Variants in SUN1 observed in about 807,000 individuals in gnomAD.
SUN1 encodes SUN domain-containing protein 1.
In SUN1, 61 loss-of-function variants were observed where a neutral mutation model predicts 103.2. That is an observed-to-expected ratio of 0.59 (90% CI 0.48 to 0.73). The LOEUF is 0.73. SUN1 is among the 30% of genes least tolerant of loss of function. The pLI is 0.00. For missense variants in SUN1, 1,052 were observed against 1,034.6 expected, an observed-to-expected ratio of 1.02 and a Z score of -0.23; for synonymous variants, 490 against 425.7, an observed-to-expected ratio of 1.15 and a Z score of -1.86.
chr7:868,158 T>C (rs1447470381), intron 16 of SUN1, among the ~76,000 whole-genome samples: 6 of 152,200 alleles, frequency 3.9e-5, no homozygotes. Context: ...ACGAATGAAA[T>C]GCGTGTGTCG....
chr7:845,371 G>A (rs973577724), intron 5 of SUN1, among the ~76,000 whole-genome samples: 2 of 152,176 alleles, frequency 1.3e-5, no homozygotes, highest in South Asian at 2.1e-4. Flanking sequence ...CATCCTTCCC[G>A]CGGGGTTTCT....
chr7:827,194 G>T (rs1021111883), intron 1 of SUN1, among the ~76,000 whole-genome samples: 1 of 150,936 alleles, frequency 6.6e-6, no homozygotes, highest in Non-Finnish European at 1.5e-5. Flanking sequence ...GCTAAGTTTT[G>T]TAGTTTTGCT....
chr7:832,530 T>G lies in SUN1; in HGVS notation c.6T>G (p.Asp2Glu). The G allele has an allele frequency of 6.2e-7, 1 of 1,613,294 alleles. No individual in the cohort carries two copies. Among genetic ancestry groups the G allele is most frequent in the Non-Finnish European group, 8.5e-7 (1 of 1,179,616 alleles). M[D>E]FSRLHMYSPP... ...TATGGTTTGAAGTGGTGAACATGGA[T>G]TTTTCTCGGCTTCACATGTACAGTC... Residue 2 changes from aspartate to glutamate, a missense_variant, in exon 1 of 19, where the codon GAT becomes GAG. Asp to Glu is a conservative substitution (Grantham distance 45). Around this residue, in one of 2 missense-constraint regions of SUN1, gnomAD observed 846 missense variants for 774.5 expected, o/e 1.09. Coordinates refer to ENST00000401592, the MANE Select transcript of SUN1 (RefSeq NM_001130965.3).
At chr7:850,335 A>G (rs1363195998) in intron 5 of SUN1, 1 of 360,296 alleles carries the variant, frequency 2.8e-6, no homozygotes, top group African/African-American at 2.1e-5. Context: ...AGTAGCTGGG[A>G]CTACAGGCGC....
chr7:817,218 C>T (rs1781485480), intron 1 of SUN1: 1 of 584,266 alleles, frequency 1.7e-6, no homozygotes, highest in South Asian at 2.0e-5. Flanking sequence ...CCTCCGCCTC[C>T]CGAAGCGCTC....
At chr7:849,583 G>T in intron 5 of SUN1, 1 of 1,438,570 alleles carries the variant, frequency 7.0e-7, no homozygotes, top group Non-Finnish European at 9.4e-7. Context: ...GGCCACCTCA[G>T]TGTAAATGGG....
intron 1 of SUN1, among the ~76,000 whole-genome samples, chr7:826,681 G>A (rs565232855): frequency 3.3e-5 from 5 of 152,326 alleles, no homozygotes; most frequent in East Asian, 3.9e-4. Context: ...TGCGGGATCC[G>A]TGTGGGCAGG....
chr7:860,820 G>C (rs890531613), intron 14 of SUN1, among the ~76,000 whole-genome samples: 1 of 152,310 alleles, frequency 6.6e-6, no homozygotes, highest in African/African-American at 2.4e-5. Flanking sequence ...GAGCAAAGTC[G>C]TGTCTTATAT....
intron 1 of SUN1, among the ~76,000 whole-genome samples, chr7:820,989 T>G (rs546859564): frequency 6.6e-6 from 1 of 152,210 alleles, no homozygotes; most frequent in South Asian, 2.1e-4. Flanking sequence ...TGACTCAACT[T>G]CTTCTGGCCT....
At chr7:853,231 C>G (rs1378121652) in intron 9 of SUN1, 178 bp from the exon 10 acceptor site, 1 of 772,774 alleles carries the variant, frequency 1.3e-6, no homozygotes, top group Non-Finnish European at 2.0e-6. Context: ...ATGAGAAGCA[C>G]CCATAGTCAG....
At chr7:833,384 C>A (rs1221803658) in intron 1 of SUN1, among the ~76,000 whole-genome samples, 1 of 151,142 alleles carries the variant, frequency 6.6e-6, no homozygotes, top group African/African-American at 2.4e-5. Context: ...AATCTCGGCT[C>A]ACTGCAACAT....
Position 847,477 on chromosome 7 carries a change from TG to T in SUN1, c.659-3902del, listed in dbSNP as rs1282557482. 5.2e-5 allele frequency among the ~76,000 whole-genome samples: 6 copies of T among 114,894 alleles called. 1 individual carries two copies. Among genetic ancestry groups the T allele is most frequent in the Admixed American group, 1.7e-4 (2 of 12,106 alleles). The allele number at this position is 114,894 out of a possible 152,430, so 75.4% of individuals were successfully genotyped here. A position where few individuals can be genotyped will look rare whatever the true frequency, so the allele number is the denominator to read the frequency against. On this transcript the variant is annotated intron_variant, in intron 5 of 18. Coordinates refer to ENST00000401592, the MANE Select transcript of SUN1 (RefSeq NM_001130965.3). ...CCGCAGTCCAGTCTCCGGGGTCCCCTGGGGGTTACCCCACAGCGCCGTGCGC... is the reference window on the plus strand; with the variant it reads ...CCGCAGTCCAGTCTCCGGGGTCCCCTGGGGTTACCCCACAGCGCCGTGCGC...
intron 16 of SUN1, 91 bp downstream of exon 16, chr7:866,158 C>T (rs1042059769): frequency 5.6e-6 from 6 of 1,074,380 alleles, no homozygotes; most frequent in South Asian, 3.9e-5. Flanking sequence ...CATGGAACTT[C>T]GTAAGATGAA....
chr7:872,317 A>C (rs964830848), intron 17 of SUN1, among the ~76,000 whole-genome samples, 153 bp from the exon 18 acceptor site: 3 of 152,162 alleles, frequency 2.0e-5, no homozygotes, highest in Non-Finnish European at 4.4e-5. Context: ...CTTCCAGGGA[A>C]GGCCTCGTGA....
At chr7:817,245 C>T in intron 1 of SUN1, 3 of 650,042 alleles carry the variant, frequency 4.6e-6, no homozygotes, top group Non-Finnish European at 8.1e-6. Flanking sequence ...CAGGCGTGAG[C>T]CACCGCGCCC....
At chr7:835,791 T>A (rs1175573245) in intron 1 of SUN1, among the ~76,000 whole-genome samples, 2 of 152,208 alleles carry the variant, frequency 1.3e-5, no homozygotes, top group African/African-American at 4.8e-5. Context: ...TGCCTTGAAC[T>A]TCAGGGTCAG....
At chr7:817,923 C>G (rs1237865874) in intron 1 of SUN1, among the ~76,000 whole-genome samples, 1 of 152,050 alleles carries the variant, frequency 6.6e-6, no homozygotes, top group Non-Finnish European at 1.5e-5. Context: ...GTTTGTTCTA[C>G]TTTCTAGATT....
intron 7 of SUN1, 103 bp from the exon 8 acceptor site, chr7:852,506 T>G (rs890167930): frequency 1.2e-5 from 16 of 1,346,108 alleles, no homozygotes; most frequent in Non-Finnish European, 1.5e-5. Context: ...TTTCTAATAC[T>G]GGGGGGGTGG....
At chr7:849,635 G>A (rs371630114) in intron 5 of SUN1, 78 of 1,526,808 alleles carry the variant, frequency 5.1e-5, no homozygotes, top group Non-Finnish European at 6.8e-5. Flanking sequence ...TGTGGGCGTC[G>A]GTCGTGGAGT....
Sources: gnomAD v4.1 joint callset for allele counts (sites outside exome capture counted in the v4.1 genomes callset) on GRCh38, gnomAD v4.1.1 for gene constraint, gnomAD v4.1.1 regional missense constraint, MANE v1.5 for transcripts, NCBI Gene and HGNC (gene_info 2026-07-23, HGNC 2026-07-21) for gene names.